The following GGA2 variants were observed in gnomAD, a reference collection of about 807,000 sequenced individuals.
The protein encoded by GGA2 is golgi associated, gamma adaptin ear containing, ARF binding protein 2.
A neutral mutation model predicts 79.5 loss-of-function variants in GGA2; 48 were observed. The observed-to-expected ratio is 0.60, with a 90% CI of 0.48 to 0.77. The LOEUF (loss-of-function observed/expected upper bound fraction) is 0.77, where lower values mean the gene tolerates loss of function less well. Ranked by LOEUF, GGA2 falls within the 30% of genes least tolerant of loss-of-function variation. The pLI, the probability that GGA2 is intolerant of heterozygous loss-of-function variation, is 0.00. For synonymous variants in GGA2, 317 were observed against 302.0 expected (o/e 1.05, Z -0.51); for missense variants, 770 against 774.0 (o/e 0.99, Z 0.06).
chr16:23,492,465 T>TAAAAAAACAAAACAAAAC (rs1446971745), intron 4 of GGA2, among the ~76,000 whole-genome samples: 7 of 151,678 alleles, frequency 4.6e-5, no homozygotes, highest in African/African-American at 1.5e-4. Flanking sequence ...CAATGATGTG[T>TAAAAAAACAAAACAAAAC]AAAAAAACAA....
At chr16:23,509,556 T>C (rs1965011969) in intron 1 of GGA2, among the ~76,000 whole-genome samples, 1 of 152,052 alleles carries the variant, frequency 6.6e-6, no homozygotes. Flanking sequence ...CTAGCAGAGC[T>C]GGGTACAAGG....
At chr16:23,471,698 A>C (rs1049829310) in intron 14 of GGA2, among the ~76,000 whole-genome samples, 4 of 152,142 alleles carry the variant, frequency 2.6e-5, no homozygotes, top group Non-Finnish European at 5.9e-5. Flanking sequence ...TCAGGAGTTC[A>C]AAACCAGCCT....
intron 1 of GGA2, chr16:23,501,032 G>A: frequency 8.6e-6 from 3 of 347,836 alleles, no homozygotes; most frequent in South Asian, 4.4e-5. Context: ...GTGTGACTTG[G>A]GCAATATATT....
intron 14 of GGA2, among the ~76,000 whole-genome samples, chr16:23,473,587 C>CA (rs1964541961): frequency 6.6e-6 from 1 of 152,002 alleles, no homozygotes. Context: ...CTTGGCCTCC[C>CA]AAAGTGCTGG....
chr16:23,508,532 A>T (rs1301419309), intron 1 of GGA2, among the ~76,000 whole-genome samples: 1 of 152,088 alleles, frequency 6.6e-6, no homozygotes, highest in Non-Finnish European at 1.5e-5. Context: ...TAAGGAGCAA[A>T]ACTACGTTAC....
chr16:23,493,924 A>G (rs1964821865), intron 3 of GGA2: 1 of 304,016 alleles, frequency 3.3e-6, no homozygotes, highest in Admixed American at 4.6e-5. Context: ...ACACTCAAAC[A>G]TATACAAAGA....
chr16:23,510,657 C>A (rs1345746136), upstream of GGA2, among the ~76,000 whole-genome samples: 2 of 152,226 alleles, frequency 1.3e-5, no homozygotes, highest in African/African-American at 4.8e-5. Flanking sequence ...AGATAAAATA[C>A]AAGACGCCCA....
chr16:23,501,042 T>C (rs572051865), intron 1 of GGA2: 15 of 355,458 alleles, frequency 4.2e-5, no homozygotes, highest in African/African-American at 3.0e-4. Flanking sequence ...GGCAATATAT[T>C]ACAACATAAA....
At position 23,465,416 on chromosome 16, in the gene GGA2, A is replaced by G. The variant is rs1265329155; in HGVS notation, c.*2174T>C. On this transcript the variant is annotated 3_prime_UTR_variant, in exon 17 of 17. Coordinates refer to ENST00000309859, the MANE Select transcript of GGA2 (RefSeq NM_015044.4). ...ACAGCAGCCTGCCTCCTCTCCTCCTACCCCTATCCTGTCCAACACCTAAGC... is the reference window on the plus strand; with the variant it reads ...ACAGCAGCCTGCCTCCTCTCCTCCTGCCCCTATCCTGTCCAACACCTAAGC... 2 of 702,840 alleles carry G rather than the reference A, an allele frequency of 2.8e-6. No homozygotes were observed. The highest frequency in any genetic ancestry group is 1.5e-5 in the South Asian group (1 of 67,588). The allele number at this position is 702,840 out of a possible 1,614,324, so 43.5% of individuals were successfully genotyped here.
At chr16:23,501,129 A>T in intron 1 of GGA2, 1 of 408,642 alleles carries the variant, frequency 2.4e-6, no homozygotes, top group Non-Finnish European at 4.8e-6. Context: ...GGTTCCAGGG[A>T]AATCCTTCGA....
At position 23,465,459 on chromosome 16, in the gene GGA2, A is replaced by T; in HGVS notation, c.*2131T>A. 1.4e-6 allele frequency: 1 copy of T among 701,922 alleles called. No individual in the cohort carries two copies. The highest frequency in any genetic ancestry group is 2.6e-6 in the Non-Finnish European group (1 of 384,348). The allele number at this position is 701,922 out of a possible 1,614,324, so 43.5% of individuals were successfully genotyped here. ...ACCTAAGCATAGTAGTACCACTGGGAGTCTGTCTCCTCAAAAGCAAGAATG... is the reference window on the plus strand; with the variant it reads ...ACCTAAGCATAGTAGTACCACTGGGTGTCTGTCTCCTCAAAAGCAAGAATG... On this transcript the variant is annotated 3_prime_UTR_variant, in exon 17 of 17. Transcript: ENST00000309859.
Position 23,486,754 on chromosome 16 carries a change from C to G in GGA2, c.616G>C (p.Asp206His). The change falls in exon 7 of 17, where the codon GAC becomes CAC. Residue 206 changes from aspartate (D) to histidine (H), a missense_variant. Coordinates refer to ENST00000309859, the MANE Select transcript of GGA2 (RefSeq NM_015044.4). ...ATTAACCGGTTTGCAGCCTGAAGGT[C>G]CTCGGGGTGGTTGCTCTTTAGAAGC... is the stretch of plus-strand genomic sequence containing the variant. ...TRLLKSNHPE[D>H]LQAANRLIKN... is the part of the protein sequence containing the mutation. 6.2e-7 allele frequency: 1 copy of G among 1,612,642 alleles called. No homozygotes were observed. The highest frequency in any genetic ancestry group is 8.5e-7 in the Non-Finnish European group (1 of 1,178,642).
rs758590159 is a variant in GGA2, at chr16:23,469,014, C to T, written c.1621-18G>A. 1.4e-6 allele frequency: 2 copies of T among 1,464,626 alleles called. No homozygotes were observed. Among genetic ancestry groups the T allele is most frequent in the Non-Finnish European group, 1.9e-6 (2 of 1,043,668 alleles). The allele number at this position is 1,464,626 out of a possible 1,614,324, so 90.7% of individuals were successfully genotyped here. A position where few individuals can be genotyped will look rare whatever the true frequency, so the allele number is the denominator to read the frequency against. ...CTCATTGACTATCAGGGGAAGAAAA[C>T]CAACATGTAACTCATTCCTAACCAC... On this transcript the variant is annotated intron_variant, in intron 15 of 16. Coordinates refer to ENST00000309859, the MANE Select transcript of GGA2 (RefSeq NM_015044.4).
intron 13 of GGA2, among the ~76,000 whole-genome samples, chr16:23,477,323 A>G (rs1328641004): frequency 6.6e-6 from 1 of 152,176 alleles, no homozygotes; most frequent in African/African-American, 2.4e-5. Context: ...CCAGTAAGAG[A>G]TAACTGAATC....
At chr16:23,502,419 C>T (rs1964930285) in intron 1 of GGA2, among the ~76,000 whole-genome samples, 1 of 152,186 alleles carries the variant, frequency 6.6e-6, no homozygotes, top group Non-Finnish European at 1.5e-5. Context: ...ACTGAATTTA[C>T]CCACTTCCAG....
intron 11 of GGA2, 39 bp downstream of exon 11, chr16:23,479,726 C>T: frequency 6.2e-7 from 1 of 1,611,578 alleles, no homozygotes. Context: ...CCTACTCGCA[C>T]CCATCCTGTG....
In GGA2 at chr16:23,467,519, G is replaced by A. The variant is rs1169760538; in HGVS notation, c.*71C>T. On this transcript the variant is annotated 3_prime_UTR_variant, in exon 17 of 17. Transcript: ENST00000309859. ...TTGGCACTCCGCACTGAAACACCGT[G>A]ATTAGTCCTGACTAGACAGCAAAAG... The A allele has an allele frequency of 1.3e-6, 1 of 785,668 alleles. No homozygotes were observed. Among genetic ancestry groups the A allele is most frequent in the East Asian group, 2.6e-5 (1 of 38,580 alleles). 48.7% of individuals were successfully genotyped at this position (785,668 alleles called of 1,614,324 possible).
chr16:23,523,547 C>T (rs566896041), upstream of GGA2: 1 of 152,384 alleles, frequency 6.6e-6, no homozygotes, highest in South Asian at 2.1e-4. Context: ...TTTTACAACC[C>T]CAAAGAAAGT....
chr16:23,521,643 T>C, intron 1 of GGA2: 1 of 436,556 alleles, frequency 2.3e-6, no homozygotes, highest in Non-Finnish European at 4.6e-6. Context: ...TTGACAAGCC[T>C]ACCACCTTTG....
Sources: allele counts gnomAD v4.1 joint callset (sites outside exome capture counted in the v4.1 genomes callset), GRCh38; gene constraint gnomAD v4.1.1; transcripts MANE v1.5; gene names NCBI Gene and HGNC (gene_info 2026-07-23, HGNC 2026-07-21).